Variants in ASPM observed in about 807,000 individuals in gnomAD.
ASPM encodes assembly factor for spindle microtubules.
A neutral mutation model predicts 366.4 loss-of-function variants in ASPM; 256 were observed. The ratio of observed to expected loss-of-function variants is 0.70; its 90% confidence interval spans 0.63 to 0.77. The LOEUF is 0.77. Among genes scored for constraint, ASPM ranks in the 30% least tolerant of loss-of-function variants. The probability of loss-of-function intolerance (pLI) is 0.00; values close to 1 mark genes in which losing one functional copy is unlikely to be tolerated. For synonymous variants in ASPM, 1,414 were observed against 1,342.9 expected (o/e 1.05, Z -1.16); for missense variants, 4,146 against 4,090.4 (o/e 1.01, Z -0.37).
rs767168044 is a variant in ASPM at position 197,125,200 on chromosome 1, A to T, written c.2937-9T>A. On this transcript the variant is annotated splice_polypyrimidine_tract_variant and intron_variant, in intron 10 of 27. Coordinates refer to ENST00000367409, the MANE Select transcript of ASPM (RefSeq NM_018136.5). The stretch of plus-strand genomic sequence containing the variant: ...GAAGTTCCATGGTTCGCCTGGCAGT[A>T]ATAAAATGTTCAGATGAAATTATCA... The T allele has an allele frequency of 6.2e-7, 1 of 1,613,892 alleles. No individual in the cohort carries two copies.
chr1:197,087,067 G>T (rs1395017542), intron 26 of ASPM, 95 bp from the exon 27 acceptor site: 4 of 1,187,348 alleles, frequency 3.4e-6, no homozygotes, highest in African/African-American at 1.6e-5. Flanking sequence ...AAACTATGCA[G>T]TAAACCTTTT....
At chr1:197,119,797 T>G (rs1391034510) in intron 16 of ASPM, among the ~76,000 whole-genome samples, 1 of 152,154 alleles carries the variant, frequency 6.6e-6, no homozygotes, top group Non-Finnish European at 1.5e-5. Flanking sequence ...GATGCTTCAA[T>G]AGTTCATCAG....
Position 197,104,976 on chromosome 1 carries a change from A to G in ASPM, c.4275T>C (p.Leu1425=). 6.2e-7 allele frequency: 1 copy of G among 1,611,842 alleles called. No homozygotes were observed. The change falls in exon 18 of 28, where the codon CTT becomes CTC. Residue 1425 remains leucine, a synonymous_variant. Transcript: ENST00000367409. The part of the protein sequence containing the change: ...QRYEMLKSST[L]IIQSMFRKWK... ...ATTTTCTGAACATAGATTGGATTAT[A>G]AGAGTTGATGATTTTAGCATTTCAT...
chr1:197,091,058 ATT>A lies in ASPM; in HGVS notation c.9445-19_9445-18del. ...AAACCATCTCTGTTTAAAACATAGA[ATT>A]TTGTTTTTCATTTCTACTTCAGGTT... On this transcript the variant is annotated intron_variant, in intron 22 of 27. Coordinates refer to ENST00000367409, the MANE Select transcript of ASPM (RefSeq NM_018136.5). The A allele has an allele frequency of 6.3e-7, 1 of 1,590,960 alleles. No homozygotes were observed. Among genetic ancestry groups the A allele is most frequent in the Non-Finnish European group, 8.6e-7 (1 of 1,162,166 alleles).
At chr1:197,128,024 G>A (rs1658140474) in intron 10 of ASPM, among the ~76,000 whole-genome samples, 2 of 151,972 alleles carry the variant, frequency 1.3e-5, no homozygotes, top group African/African-American at 4.8e-5. Flanking sequence ...AATTAGCTGG[G>A]CGTGGTGGTG....
chr1:197,124,188 A>T lies in ASPM; in HGVS notation c.3312T>A (p.Gly1104=). ...TGTTTTCACTATATTGTTCAAAGGA[A>T]CCACTATCCCTTTTGCCTTTTTTCT... ...INKKKGKRDS[G]SFEQYSENIK... is the part of the protein sequence containing the mutation. The change falls in exon 13 of 28, where the codon GGT becomes GGA. Residue 1104 remains glycine (G), a synonymous_variant. Coordinates refer to ENST00000367409, the MANE Select transcript of ASPM (RefSeq NM_018136.5). 6.2e-7 allele frequency: 1 copy of T among 1,612,844 alleles called. No homozygotes were observed. The highest frequency in any genetic ancestry group is 8.5e-7 in the Non-Finnish European group (1 of 1,179,216).
intron 3 of ASPM, among the ~76,000 whole-genome samples, chr1:197,141,009 T>C (rs1453249876): frequency 6.6e-6 from 1 of 152,158 alleles, no homozygotes; most frequent in African/African-American, 2.4e-5. Flanking sequence ...CCTATTGGAA[T>C]AGCAGTTCAC....
At chr1:197,138,086 A>G (rs1658474764) in intron 4 of ASPM, among the ~76,000 whole-genome samples, 1 of 152,198 alleles carries the variant, frequency 6.6e-6, no homozygotes, top group African/African-American at 2.4e-5. Flanking sequence ...TCAAGCTTCT[A>G]TTTAGATATA....
chr1:197,128,673 G>C lies in ASPM; in HGVS notation c.2761-8C>G. 1 of 1,599,006 alleles carries C rather than the reference G, an allele frequency of 6.3e-7. No homozygotes were observed. The highest frequency in any genetic ancestry group is 8.6e-7 in the Non-Finnish European group (1 of 1,168,708). On this transcript the variant is annotated splice_region_variant and splice_polypyrimidine_tract_variant and intron_variant, in intron 9 of 27. Coordinates refer to ENST00000367409, the MANE Select transcript of ASPM (RefSeq NM_018136.5). ...AAGGATTTCTTTACTAGCCTATAAA[G>C]AAATAAGTTCCAGATATTATATTCC...
rs376130761 is a variant in ASPM at position 197,090,850 on chromosome 1, C to G, written c.9636G>C (p.Gln3212His). Residue 3212 changes from glutamine to histidine, a missense_variant and splice_region_variant, in exon 23 of 28, where the codon CAG (glutamine) becomes CAC (histidine). Gln to His is a conservative substitution (Grantham distance 24). Coordinates refer to ENST00000367409, the MANE Select transcript of ASPM (RefSeq NM_018136.5). The part of the protein sequence containing the change: ...EKFTSGIIKI[Q>H]ALWRGYSWRK... Reference sequence around the variant, plus strand: ...CTAAAACTATACAAGTTTCAATTACCTGAATTTTAATGATTCCACTAGTGA... The same window carrying G: ...CTAAAACTATACAAGTTTCAATTACGTGAATTTTAATGATTCCACTAGTGA... 4 of 1,611,560 alleles carry G rather than the reference C, an allele frequency of 2.5e-6. No individual in the cohort carries two copies. The highest frequency in any genetic ancestry group is 3.3e-5 in the Admixed American group (2 of 59,900).
intron 3 of ASPM, among the ~76,000 whole-genome samples, chr1:197,140,261 A>C (rs1056213761): frequency 3.9e-5 from 6 of 152,254 alleles, no homozygotes; most frequent in African/African-American, 1.4e-4. Flanking sequence ...CCAGATGGGA[A>C]TCTACTTGAG....
In ASPM at chr1:197,117,894, G is replaced by C. The variant is rs148964635; in HGVS notation, c.3960C>G (p.Leu1320=). 1.2e-6 allele frequency: 2 copies of C among 1,612,942 alleles called. No homozygotes were observed. The highest frequency in any genetic ancestry group is 2.7e-5 in the African/African-American group (2 of 74,832). ...QRLRKRVNAA[L]VIQKYWRRVL... ...CTCTTCGCCAATATTTCTGAATGACGAGTGCTGCATTAACTCTTTTTCTCA... is the reference window on the plus strand; with the variant it reads ...CTCTTCGCCAATATTTCTGAATGACCAGTGCTGCATTAACTCTTTTTCTCA... The change falls in exon 17 of 28, where the codon CTC becomes CTG. Residue 1320 remains leucine, a synonymous_variant. Transcript: ENST00000367409.
chr1:197,125,249 T>G, intron 10 of ASPM, 58 bp from the exon 11 acceptor site: 1 of 1,574,848 alleles, frequency 6.3e-7, no homozygotes. Context: ...GAAAAAACCC[T>G]TCACTGAAAT....
At chr1:197,110,506 G>A (rs1236739304) in intron 17 of ASPM, among the ~76,000 whole-genome samples, 1 of 151,870 alleles carries the variant, frequency 6.6e-6, no homozygotes, top group South Asian at 2.1e-4. Context: ...ATCCATAAAA[G>A]AAGAAAAGTG....
Position 197,104,223 on chromosome 1 carries a change from C to CA in ASPM, c.5027dup (p.Leu1676PhefsTer15), listed in dbSNP as rs1657321979. ...ATTTTATTGTAGCATTTTTTAGGCT[C>CA]AAAAATTCCTTTTTAGAAACATAAG... On this transcript the variant is annotated frameshift_variant, in exon 18 of 28. Transcript: ENST00000367409. LOFTEE classifies it high-confidence loss of function. 5 of 1,612,442 alleles carry CA rather than the reference C, an allele frequency of 3.1e-6. No individual in the cohort carries two copies. The highest frequency in any genetic ancestry group is 1.7e-4 in the Middle Eastern group (1 of 6,048).
chr1:197,091,784 T>C (rs1382267567), intron 22 of ASPM, 123 bp downstream of exon 22: 1 of 990,802 alleles, frequency 1.0e-6, no homozygotes, highest in Admixed American at 2.2e-5. Context: ...GTAACAGCTA[T>C]AAGGTGAAAG....
intron 7 of ASPM, 76 bp downstream of exon 7, chr1:197,132,209 G>T: frequency 8.8e-7 from 1 of 1,132,062 alleles, no homozygotes; most frequent in Non-Finnish European, 1.3e-6. Flanking sequence ...AAACTACATT[G>T]TAATAAAATG....
At chr1:197,113,164 G>A (rs763997168) in intron 17 of ASPM, among the ~76,000 whole-genome samples, 7 of 152,060 alleles carry the variant, frequency 4.6e-5, no homozygotes, top group Non-Finnish European at 8.8e-5. Context: ...GCTAAACACT[G>A]AATACATATG....
In ASPM at chr1:197,086,879, A is replaced by G. The variant is rs777787839; in HGVS notation, c.10255T>C (p.Tyr3419His). 4 of 1,611,296 alleles carry G rather than the reference A, an allele frequency of 2.5e-6. No individual in the cohort carries two copies. The highest frequency in any genetic ancestry group is 2.2e-5 in the East Asian group (1 of 44,712). The change falls in exon 27 of 28, where the codon TAC (tyrosine) becomes CAC (histidine). Residue 3419 changes from tyrosine (Y) to histidine (H), a missense_variant. Tyr to His is a moderately conservative substitution (Grantham distance 83). Transcript: ENST00000367409. ...ATAGAAGAATTCTTCTTTTGCTTGT[A>G]AAGTATTCTTTCAGTATTCATTTTA... is the stretch of plus-strand genomic sequence containing the variant. ...KHKMNTERIL[Y>H]KQKKNSSISI... is the part of the protein sequence containing the mutation.
Sources: allele counts gnomAD v4.1 joint callset (sites outside exome capture counted in the v4.1 genomes callset), GRCh38; gene constraint gnomAD v4.1.1; transcripts MANE v1.5; gene names NCBI Gene and HGNC (gene_info 2026-07-23, HGNC 2026-07-21).